Variants in ASH1L observed in about 807,000 individuals in gnomAD.
ASH1L encodes the protein ASH1 like histone lysine methyltransferase, also known as histone-lysine N-methyltransferase ASH1L.
In ASH1L, 23 loss-of-function variants were observed where a neutral mutation model predicts 269.0. The observed-to-expected ratio is 0.09, with a 90% CI of 0.06 to 0.12. The LOEUF is 0.12. ASH1L is among the 10% of genes least tolerant of loss of function. The pLI is 1.00. For missense variants in ASH1L, 2,912 were observed against 3,567.8 expected (o/e 0.82, Z 4.68); for synonymous variants, 1,187 against 1,253.5 (o/e 0.95, Z 1.12).
chr1:155,390,034 T>C (rs1234804514), intron 7 of ASH1L, among the ~76,000 whole-genome samples: 1 of 152,008 alleles, frequency 6.6e-6, no homozygotes, highest in African/African-American at 2.4e-5. Context: ...AGAACATCCA[T>C]GTAATGCTGA....
intron 2 of ASH1L, among the ~76,000 whole-genome samples, chr1:155,520,703 A>G (rs1668826676): frequency 1.3e-5 from 2 of 151,958 alleles, no homozygotes; most frequent in African/African-American, 4.8e-5. Context: ...TCTCTACTAA[A>G]AACACAAAAT....
intron 12 of ASH1L, among the ~76,000 whole-genome samples, chr1:155,363,546 A>G (rs1410469448): frequency 6.6e-6 from 1 of 152,080 alleles, no homozygotes; most frequent in African/African-American, 2.4e-5. Context: ...GCCTGGCTGC[A>G]GAAAGCATTT....
intron 5 of ASH1L, among the ~76,000 whole-genome samples, chr1:155,437,422 C>T (rs1047907499): frequency 1.4e-4 from 21 of 152,026 alleles, no homozygotes; most frequent in Admixed American, 6.6e-5. Context: ...ATTTGGATGG[C>T]TGCTATAAAA....
intron 3 of ASH1L, among the ~76,000 whole-genome samples, chr1:155,477,551 ATAC>A (rs1205206732): frequency 6.6e-6 from 1 of 152,174 alleles, no homozygotes; most frequent in Non-Finnish European, 1.5e-5. Context: ...GAGATCCTGC[ATAC>A]TACTAACAGA....
intron 3 of ASH1L, among the ~76,000 whole-genome samples, chr1:155,460,294 T>C (rs1441367918): frequency 6.6e-6 from 1 of 152,176 alleles, no homozygotes; most frequent in Non-Finnish European, 1.5e-5. Flanking sequence ...ACTGACAAAA[T>C]TTACAATGTA....
At chr1:155,366,706 G>A (rs1655449955) in intron 12 of ASH1L, among the ~76,000 whole-genome samples, 1 of 151,982 alleles carries the variant, frequency 6.6e-6, no homozygotes, top group African/African-American at 2.4e-5. Flanking sequence ...CGGAGTCTTG[G>A]TGTGTCACAC....
rs114130331 is a variant in ASH1L, at chr1:155,336,404, T to C, written c.*1256A>G. ...ATACACACACATACACACATATATA[T>C]ACACACACACACACAACTTGGCACA... is the stretch of plus-strand genomic sequence containing the variant. On this transcript the variant is annotated 3_prime_UTR_variant, in exon 28 of 28. Coordinates refer to ENST00000392403, the MANE Select transcript of ASH1L (RefSeq NM_018489.3). The C allele has an allele frequency of 0.026, 3,949 of 150,876 alleles. 75 individuals carry two copies. Among genetic ancestry groups the C allele is most frequent in the Middle Eastern group, 0.048 (14 of 292 alleles). The allele number at this position is 150,876 out of a possible 1,614,324, so 9.3% of individuals were successfully genotyped here. A position where few individuals can be genotyped will look rare whatever the true frequency, so the allele number is the denominator to read the frequency against.
chr1:155,482,003 T>C lies in ASH1L; in HGVS notation c.867A>G (p.Lys289=), dbSNP rs1665992804. The stretch of plus-strand genomic sequence containing the variant: ...CTACTGCTGCATTAAACACTGGCTT[T>C]TTCCCAGGATCTTTAGTTACCAATC... ...AVGLVTKDPG[K]KPVFNAAVGL... is the part of the protein sequence containing the mutation. The change falls in exon 3 of 28, where the codon AAA becomes AAG. Residue 289 remains lysine (K), a synonymous_variant. Transcript: ENST00000392403. 1.2e-6 allele frequency: 2 copies of C among 1,614,208 alleles called. No individual in the cohort carries two copies. Among genetic ancestry groups the C allele is most frequent in the Non-Finnish European group, 1.7e-6 (2 of 1,180,034 alleles).
Position 155,482,396 on chromosome 1 carries a change from C to A in ASH1L, c.474G>T (p.Gln158His). ...AATGAAGACGGATGACTTCTTCAGA[C>A]TGGCATTCAATGGCTGCAACATCAT... ...KADDVAAIEC[Q>H]SEEVIRLHSQ... The change falls in exon 3 of 28, where the codon CAG becomes CAT. Residue 158 changes from glutamine (Q) to histidine (H), a missense_variant. By Grantham distance (24) the Gln-to-His change is conservative. Transcript: ENST00000392403. 1 of 1,614,054 alleles carries A rather than the reference C, an allele frequency of 6.2e-7. No individual in the cohort carries two copies. The highest frequency in any genetic ancestry group is 8.5e-7 in the Non-Finnish European group (1 of 1,179,972).
intron 4 of ASH1L, among the ~76,000 whole-genome samples, chr1:155,454,346 T>C (rs538339289): frequency 1.3e-5 from 2 of 152,328 alleles, no homozygotes; most frequent in Admixed American, 6.5e-5. Flanking sequence ...CAAAATGCCT[T>C]CTCCTCTTCT....
chr1:155,455,688 A>G (rs971736020), intron 4 of ASH1L, among the ~76,000 whole-genome samples: 1 of 152,214 alleles, frequency 6.6e-6, no homozygotes, highest in East Asian at 1.9e-4. Flanking sequence ...TGATTTTGAA[A>G]GCTCAGGTTT....
chr1:155,377,806 C>T (rs529385241), intron 10 of ASH1L, among the ~76,000 whole-genome samples: 2 of 152,140 alleles, frequency 1.3e-5, no homozygotes, highest in Middle Eastern at 3.4e-3. Context: ...TGGTGGATCA[C>T]GAGGTCAGAT....
At chr1:155,534,425 T>C (rs1000222565) in intron 1 of ASH1L, among the ~76,000 whole-genome samples, 5 of 150,654 alleles carry the variant, frequency 3.3e-5, no homozygotes, top group African/African-American at 9.8e-5. Flanking sequence ...CAATATAATG[T>C]GAGAGGATGA....
At chr1:155,505,842 A>C (rs1667778722) in intron 2 of ASH1L, among the ~76,000 whole-genome samples, 1 of 152,120 alleles carries the variant, frequency 6.6e-6, no homozygotes, top group Admixed American at 6.6e-5. Flanking sequence ...TATTATTATC[A>C]TTATTTTTTA....
chr1:155,416,034 C>T, intron 5 of ASH1L, 111 bp from the exon 6 acceptor site: 2 of 805,628 alleles, frequency 2.5e-6, no homozygotes, highest in Non-Finnish European at 3.7e-6. Context: ...GATATGGGGA[C>T]TTCCTTATCT....
intron 1 of ASH1L, among the ~76,000 whole-genome samples, chr1:155,556,640 A>C (rs1421431847): frequency 6.6e-6 from 1 of 151,920 alleles, no homozygotes; most frequent in Non-Finnish European, 1.5e-5. Flanking sequence ...ACGGGGTTTC[A>C]CCACGTTAGC....
intron 2 of ASH1L, among the ~76,000 whole-genome samples, chr1:155,491,062 C>A (rs1026397539): frequency 1.4e-5 from 2 of 140,426 alleles, no homozygotes; most frequent in Admixed American, 1.5e-4. Context: ...TTATTCTAAA[C>A]GTCTTTTCAC....
chr1:155,397,787 C>A (rs571437859), intron 6 of ASH1L, among the ~76,000 whole-genome samples: 1 of 152,098 alleles, frequency 6.6e-6, no homozygotes, highest in African/African-American at 2.4e-5. Context: ...GTCTTGAACT[C>A]CTGACCTCAG....
intron 1 of ASH1L, among the ~76,000 whole-genome samples, chr1:155,541,082 A>C (rs1478462206): frequency 3.3e-5 from 5 of 152,176 alleles, no homozygotes; most frequent in Non-Finnish European, 7.3e-5. Context: ...GTCTCTTAAT[A>C]TGCATTATAC....
Sources: allele counts gnomAD v4.1 joint callset (sites outside exome capture counted in the v4.1 genomes callset), GRCh38; gene constraint gnomAD v4.1.1; transcripts MANE v1.5; gene names NCBI Gene and HGNC (gene_info 2026-07-23, HGNC 2026-07-21).